The following MYO16 variants were observed in gnomAD, a reference collection of about 807,000 sequenced individuals.
The protein encoded by MYO16 is myosin XVI.
A neutral mutation model predicts 205.3 loss-of-function variants in MYO16; 94 were observed. The ratio of observed to expected loss-of-function variants is 0.46; its 90% CI spans 0.39 to 0.54. The LOEUF is 0.54. Among genes scored for constraint, MYO16 ranks in the 20% least tolerant of loss-of-function variants. The pLI, the probability that MYO16 is intolerant of heterozygous loss-of-function variation, is 0.00. For synonymous variants in MYO16, 988 were observed against 954.0 expected (o/e 1.04, Z -0.66); for missense variants, 2,315 against 2,387.5 (o/e 0.97, Z 0.63).
intron 16 of MYO16, among the ~76,000 whole-genome samples, chr13:108,936,731 G>C (rs1305673165): frequency 6.6e-6 from 1 of 152,052 alleles, no homozygotes; most frequent in East Asian, 1.9e-4. Flanking sequence ...TTACATGTGA[G>C]GTGGATCTCT....
At chr13:109,179,472 G>T in intron 33 of MYO16, 70 bp from the exon 34 acceptor site, 1 of 897,494 alleles carries the variant, frequency 1.1e-6, no homozygotes, top group Non-Finnish European at 1.9e-6. Flanking sequence ...TTATTGTAAT[G>T]AGTGCATGAC....
chr13:109,074,181 A>G (rs117945799), intron 27 of MYO16, among the ~76,000 whole-genome samples: 4 of 152,182 alleles, frequency 2.6e-5, no homozygotes, highest in Admixed American at 6.5e-5. Context: ...GTGTTTTTAC[A>G]TAAACATACA....
chr13:109,054,645 A>G (rs544812472), intron 25 of MYO16, among the ~76,000 whole-genome samples: 4 of 152,202 alleles, frequency 2.6e-5, no homozygotes, highest in South Asian at 2.1e-4. Flanking sequence ...GATTTACACA[A>G]CAGCCCTGTA....
Position 108,936,321 on chromosome 13 carries a change from T to C in MYO16, c.1926-21367T>C, listed in dbSNP as rs150863753. On this transcript the variant is annotated intron_variant, in intron 16 of 34. Coordinates refer to ENST00000457511, the MANE Select transcript of MYO16 (RefSeq NM_001198950.3). ...TACCAGCTCTTCTTTGTATTTTGTA[T>C]GGTAAAAATTTGCTGTGAATCAGTC... Among the ~76,000 whole-genome samples, 1,015 of 152,270 alleles carry C rather than the reference T, an allele frequency of 6.7e-3. 9 individuals carry two copies. Among genetic ancestry groups the C allele is most frequent in the African/African-American group, 0.022 (919 of 41,568 alleles).
chr13:108,972,650 C>A (rs542623969), intron 20 of MYO16, among the ~76,000 whole-genome samples: 2 of 151,252 alleles, frequency 1.3e-5, no homozygotes, highest in African/African-American at 4.9e-5. Context: ...GTGTTTTGCT[C>A]GGGTGTGACT....
intron 3 of MYO16, among the ~76,000 whole-genome samples, chr13:108,718,144 A>C (rs2139564013): frequency 6.6e-6 from 1 of 152,266 alleles, no homozygotes; most frequent in East Asian, 1.9e-4. Flanking sequence ...TTCAAAGTCT[A>C]GCAGAAAATA....
chr13:109,031,439 T>C (rs1886544658), intron 23 of MYO16, among the ~76,000 whole-genome samples: 1 of 152,208 alleles, frequency 6.6e-6, no homozygotes, highest in Admixed American at 6.5e-5. Flanking sequence ...ATAACTCTCT[T>C]CAAAGTTAAA....
the MYO16 span, among the ~76,000 whole-genome samples, chr13:108,526,147 C>T: frequency 6.6e-6 from 1 of 152,210 alleles, no homozygotes; most frequent in Non-Finnish European, 1.5e-5. Flanking sequence ...GCATATGTTG[C>T]AATTTTGGGG....
At position 108,688,877 on chromosome 13, in the gene MYO16, C is replaced by G. The variant is rs73606727; in HGVS notation, c.292+22728C>G. Reference sequence around the variant, plus strand: ...TGTACCCTAATGGCATGATGCAAGTCAAGTTAATGTCTTTGAGCCTCGGTT... The same window carrying G: ...TGTACCCTAATGGCATGATGCAAGTGAAGTTAATGTCTTTGAGCCTCGGTT... On this transcript the variant is annotated intron_variant, in intron 2 of 34. Coordinates refer to ENST00000457511, the MANE Select transcript of MYO16 (RefSeq NM_001198950.3). Among the ~76,000 whole-genome samples, 1,209 of 152,238 alleles carry G rather than the reference C, an allele frequency of 7.9e-3. 14 individuals carry two copies. The highest frequency in any genetic ancestry group is 0.025 in the African/African-American group (1,024 of 41,552).
the MYO16 span, among the ~76,000 whole-genome samples, chr13:108,532,703 A>G: frequency 5.8e-4 from 88 of 152,118 alleles, no homozygotes; most frequent in East Asian, 0.017. Context: ...GGGCAGGAGC[A>G]TCACTTAAAC....
intron 12 of MYO16, among the ~76,000 whole-genome samples, chr13:108,879,567 C>T (rs924106468): frequency 5.3e-5 from 8 of 152,086 alleles, no homozygotes; most frequent in Non-Finnish European, 1.0e-4. Flanking sequence ...TGTGTCCAAG[C>T]GTTCTCACTG....
intron 4 of MYO16, among the ~76,000 whole-genome samples, chr13:108,749,727 C>T (rs531064256): frequency 6.6e-6 from 1 of 152,176 alleles, no homozygotes; most frequent in Non-Finnish European, 1.5e-5. Flanking sequence ...CAGTTCTTAA[C>T]AAAGTTAAAT....
Position 109,055,747 on chromosome 13 carries a change from G to A in MYO16, c.3335+152G>A. 4 of 641,996 alleles carry A rather than the reference G, an allele frequency of 6.2e-6. No homozygotes were observed. The highest frequency in any genetic ancestry group is 1.1e-5 in the Non-Finnish European group (4 of 374,216). The allele number at this position is 641,996 out of a possible 1,614,324, so 39.8% of individuals were successfully genotyped here. A position where few individuals can be genotyped will look rare whatever the true frequency, so the allele number is the denominator to read the frequency against. On this transcript the variant is annotated intron_variant, in intron 27 of 34. Coordinates refer to ENST00000457511, the MANE Select transcript of MYO16 (RefSeq NM_001198950.3). The surrounding 1 kb of genome is among the most constrained non-coding windows in gnomAD (Gnocchi z 5.0). ...CTATCTCCAATAAACAAAATATTCTGGGAAACAATGAAATACACTGACAAA... is the reference window on the plus strand; with the variant it reads ...CTATCTCCAATAAACAAAATATTCTAGGAAACAATGAAATACACTGACAAA...
rs1177092509 is a variant in MYO16 at position 108,898,018 on chromosome 13, C to T, written c.1662C>T (p.Val554=). Residue 554 remains valine, a splice_region_variant and synonymous_variant, in exon 15 of 35, where the codon GTC becomes GTT. Coordinates refer to ENST00000457511, the MANE Select transcript of MYO16 (RefSeq NM_001198950.3). ...RATLDSRFKH[V]VCILEAFGHA... ...TAAAATGTTCTCCTCTCCCACAGGT[C>T]GTGTGCATCTTAGAAGCCTTTGGAC... The T allele has an allele frequency of 5.6e-6, 9 of 1,606,770 alleles. No individual in the cohort carries two copies. The highest frequency in any genetic ancestry group is 3.3e-5 in the South Asian group (3 of 90,934).
Position 109,162,270 on chromosome 13 carries a change from G to A in MYO16, c.5165-2631G>A, listed in dbSNP as rs776884976. Among the ~76,000 whole-genome samples, 14 of 152,222 alleles carry A rather than the reference G, an allele frequency of 9.2e-5. No homozygotes were observed. Among genetic ancestry groups the A allele is most frequent in the Admixed American group, 3.3e-4 (5 of 15,292 alleles). ...CCTGAAGTACTCAGACTGAGAGTCA[G>A]CAAGTGCCTTAGAGGATTCGTTTAT... On this transcript the variant is annotated intron_variant, in intron 32 of 34. Coordinates refer to ENST00000457511, the MANE Select transcript of MYO16 (RefSeq NM_001198950.3). The surrounding 1 kb of genome is among the most constrained non-coding windows in gnomAD (Gnocchi z 4.6).
the MYO16 span, among the ~76,000 whole-genome samples, chr13:108,545,669 T>C: frequency 6.6e-6 from 1 of 152,236 alleles, no homozygotes; most frequent in African/African-American, 2.4e-5. Context: ...TCTGTTATTT[T>C]TTTTTACTTT....
rs1475115452 is a variant in MYO16 at position 109,008,649 on chromosome 13, G to T, written c.2443-248G>T. 3.1e-5 allele frequency among the ~76,000 whole-genome samples: 3 copies of T among 95,332 alleles called. 1 individual carries two copies. Among genetic ancestry groups the T allele is most frequent in the Non-Finnish European group, 6.6e-5 (3 of 45,206 alleles). 62.5% of individuals were successfully genotyped at this position (95,332 alleles called of 152,430 possible). The stretch of plus-strand genomic sequence containing the variant: ...TATCTTGTGTATGCACTACTGTACT[G>T]TCTATCTTGTGTATGCACTACTGTA... On this transcript the variant is annotated intron_variant, in intron 21 of 34. Transcript: ENST00000457511.
chr13:109,047,527 A>T (rs1350503551), intron 24 of MYO16, among the ~76,000 whole-genome samples: 1 of 152,182 alleles, frequency 6.6e-6, no homozygotes, highest in African/African-American at 2.4e-5. Flanking sequence ...TTATATGCAT[A>T]TATCTACTAT....
intron 16 of MYO16, among the ~76,000 whole-genome samples, chr13:108,929,209 T>G (rs1337755306): frequency 6.6e-6 from 1 of 152,202 alleles, no homozygotes; most frequent in Middle Eastern, 3.2e-3. Context: ...AACATGAACT[T>G]TTAAATCTTC....
Sources: allele counts gnomAD v4.1 joint callset (sites outside exome capture counted in the v4.1 genomes callset), GRCh38; gene constraint gnomAD v4.1.1; non-coding constraint Gnocchi (gnomAD v3.1); transcripts MANE v1.5; gene names NCBI Gene and HGNC (gene_info 2026-07-23, HGNC 2026-07-21).